UBAP2: variants seen among roughly 807,000 people sequenced by gnomAD.
The protein encoded by UBAP2 is ubiquitin associated protein 2.
A neutral mutation model predicts 139.6 loss-of-function variants in UBAP2; 75 were observed. The ratio of observed to expected loss-of-function variants is 0.54; its 90% CI spans 0.45 to 0.65. The LOEUF is 0.65. Among genes scored for constraint, UBAP2 ranks in the 30% least tolerant of loss-of-function variants. The probability of loss-of-function intolerance (pLI) is 0.00; values close to 1 mark genes in which losing one functional copy is unlikely to be tolerated. For missense variants in UBAP2, 1,368 were observed against 1,369.6 expected (o/e 1.00, Z 0.02); for synonymous variants, 526 against 526.2 (o/e 1.00, Z 0.01).
intron 6 of UBAP2, among the ~76,000 whole-genome samples, chr9:33,975,591 G>A (rs1587595595): frequency 6.6e-6 from 1 of 151,560 alleles, no homozygotes; most frequent in Non-Finnish European, 1.5e-5. Flanking sequence ...AAGGTCAGGA[G>A]ATCGAGACCA....
intron 4 of UBAP2, chr9:33,994,669 A>C (rs1353248402): frequency 4.7e-5 from 5 of 105,724 alleles, no homozygotes; most frequent in Admixed American, 9.0e-5. Flanking sequence ...TGGTTTTCCC[A>C]AAAAAAAAAA....
chr9:33,950,829 T>C (rs1029160191), intron 12 of UBAP2, among the ~76,000 whole-genome samples: 3 of 152,224 alleles, frequency 2.0e-5, no homozygotes, highest in Non-Finnish European at 2.9e-5. Context: ...ATACACAGCA[T>C]AGGCCTCTTA....
At chr9:33,939,647 A>T (rs1824915786) in intron 16 of UBAP2, among the ~76,000 whole-genome samples, 1 of 143,398 alleles carries the variant, frequency 7.0e-6, no homozygotes, top group African/African-American at 2.6e-5. Context: ...ACTACTCGGG[A>T]GGCTGAGGTT....
chr9:34,042,133 C>G (rs540785095), intron 1 of UBAP2, among the ~76,000 whole-genome samples: 92 of 152,100 alleles, frequency 6.0e-4, no homozygotes, highest in African/African-American at 2.1e-3. Context: ...AAAATGGGCA[C>G]TATTAAACCA....
chr9:34,040,280 C>T (rs1243077829), intron 1 of UBAP2, among the ~76,000 whole-genome samples: 1 of 144,880 alleles, frequency 6.9e-6, no homozygotes, highest in South Asian at 2.2e-4. Context: ...GCCGAGCCCA[C>T]GCCATTGCAC....
chr9:33,927,158 C>A, intron 20 of UBAP2, 78 bp from the exon 21 acceptor site: 1 of 1,136,088 alleles, frequency 8.8e-7, no homozygotes. Flanking sequence ...CAGGAGGAGG[C>A]ACAGTCACTG....
At chr9:34,020,621 G>A (rs538472137) in intron 1 of UBAP2, among the ~76,000 whole-genome samples, 2 of 151,166 alleles carry the variant, frequency 1.3e-5, no homozygotes, top group Non-Finnish European at 2.9e-5. Flanking sequence ...CCACTGAGCC[G>A]GCCCAGAGCC....
Position 33,922,862 on chromosome 9 carries a change from C to T in UBAP2, c.3089G>A (p.Gly1030Glu), listed in dbSNP as rs760448754. Residue 1030 changes from glycine to glutamate, a missense_variant, in exon 28 of 29, where the codon GGA becomes GAA. Physicochemically the swap from Gly to Glu is moderately conservative, Grantham distance 98 (BLOSUM62 -2). Coordinates refer to ENST00000379238, the MANE Select transcript of UBAP2 (RefSeq NM_001370062.2). ...AGGTGGAGGCGTCCCTGCATGAAATCCCTGCTTGTCAAAAGTCTACAGGGC... is the reference window on the plus strand; with the variant it reads ...AGGTGGAGGCGTCCCTGCATGAAATTCCTGCTTGTCAAAAGTCTACAGGGC... ...YNKTQTFDKQ[G>E]FHAGTPPPFS... 3 of 1,591,406 alleles carry T rather than the reference C, an allele frequency of 1.9e-6. No individual in the cohort carries two copies. The Admixed American group carries it at 5.1e-5, about 27-fold the overall frequency.
chr9:34,033,131 A>T (rs1357289915), intron 1 of UBAP2, among the ~76,000 whole-genome samples: 1 of 152,170 alleles, frequency 6.6e-6, no homozygotes, highest in Admixed American at 6.6e-5. Flanking sequence ...TACCCAAAAT[A>T]AGGGAAATCA....
intron 1 of UBAP2, among the ~76,000 whole-genome samples, chr9:34,022,964 C>A (rs1004761124): frequency 6.6e-6 from 1 of 151,992 alleles, no homozygotes. Context: ...CAGTGGCTCA[C>A]GCCTGTAATC....
rs1051886246 is a variant in UBAP2 at position 33,980,327 on chromosome 9, G to C, written c.520+6433C>G. ...GGGTCACTACGAGCTCCGTCTCCCA[G>C]GTTCACGCCATTCTCCTGCCTCAGC... On this transcript the variant is annotated intron_variant, in intron 6 of 28. Transcript: ENST00000379238. Among the ~76,000 whole-genome samples the C allele has an allele frequency of 1.3e-4, 17 of 132,050 alleles. No individual in the cohort carries two copies. The South Asian group carries it at 2.4e-3, about 19-fold the overall frequency. The allele number at this position is 132,050 out of a possible 152,430, so 86.6% of individuals were successfully genotyped here. A position where few individuals can be genotyped will look rare whatever the true frequency, so the allele number is the denominator to read the frequency against.
chr9:33,936,129 C>A (rs775605599), intron 16 of UBAP2, among the ~76,000 whole-genome samples: 2 of 152,100 alleles, frequency 1.3e-5, no homozygotes, highest in Non-Finnish European at 2.9e-5. Flanking sequence ...ACTACAGGTG[C>A]ATCCTACCAT....
chr9:33,981,756 AAGGTAGGT>A (rs1217531290), intron 6 of UBAP2, among the ~76,000 whole-genome samples: 2 of 146,238 alleles, frequency 1.4e-5, no homozygotes, highest in Non-Finnish European at 3.0e-5. Context: ...GGAAGGATGG[AAGGTAGGT>A]AGGTAGGTAG....
chr9:33,924,660 GA>G (rs1265793023), intron 22 of UBAP2, among the ~76,000 whole-genome samples: 1 of 152,172 alleles, frequency 6.6e-6, no homozygotes, highest in Non-Finnish European at 1.5e-5. Context: ...GAGCAGACCT[GA>G]AAAAGGAGGC....
At chr9:33,996,475 A>C (rs1029987037) in intron 3 of UBAP2, 142 bp from the exon 4 acceptor site, 1 of 584,786 alleles carries the variant, frequency 1.7e-6, no homozygotes, top group Admixed American at 3.3e-5. Context: ...CAATGAGGAC[A>C]TGTTTACTTA....
intron 2 of UBAP2, among the ~76,000 whole-genome samples, chr9:34,016,302 G>A (rs1436869228): frequency 1.1e-4 from 12 of 110,252 alleles, no homozygotes; most frequent in Non-Finnish European, 2.1e-4. Context: ...AGGAAGAGGA[G>A]GAAGAGGAGG....
At chr9:33,975,375 T>G (rs1300931813) in intron 6 of UBAP2, among the ~76,000 whole-genome samples, 1 of 147,190 alleles carries the variant, frequency 6.8e-6, no homozygotes, top group African/African-American at 2.5e-5. Context: ...GAGGTTGCAG[T>G]GAGCTGAGAT....
chr9:34,036,410 C>T (rs993255305), intron 1 of UBAP2, among the ~76,000 whole-genome samples: 18 of 152,146 alleles, frequency 1.2e-4, no homozygotes, highest in Admixed American at 1.0e-3. Context: ...AGCCACCGTG[C>T]CCAGCCTTGA....
chr9:34,032,315 G>T (rs1305248759), intron 1 of UBAP2, among the ~76,000 whole-genome samples: 1 of 152,024 alleles, frequency 6.6e-6, no homozygotes, highest in Non-Finnish European at 1.5e-5. Flanking sequence ...AATACCAACA[G>T]CACAATAACC....
Sources: gnomAD v4.1 joint callset for allele counts (sites outside exome capture counted in the v4.1 genomes callset) on GRCh38, gnomAD v4.1.1 for gene constraint, MANE v1.5 for transcripts, NCBI Gene and HGNC (gene_info 2026-07-23, HGNC 2026-07-21) for gene names.